Variants in PPIG observed in about 807,000 individuals in gnomAD.
PPIG encodes the protein peptidylprolyl isomerase G.
A neutral mutation model predicts 87.9 loss-of-function variants in PPIG; 26 were observed. The observed-to-expected ratio is 0.30, with a 90% confidence interval of 0.22 to 0.41. The LOEUF is 0.41. Among genes scored for constraint, PPIG ranks in the 10% least tolerant of loss-of-function variants. The pLI, the probability that PPIG is intolerant of heterozygous loss-of-function variation, is 1.00. For missense variants in PPIG, 722 were observed against 879.4 expected (o/e 0.82, Z 2.26); for synonymous variants, 308 against 276.5 (o/e 1.11, Z -1.13).
chr2:169,640,338 CTT>C lies in PPIG; in HGVS notation c.*2816_*2817del, dbSNP rs1686281717. 3 of 152,174 alleles carry C rather than the reference CTT, an allele frequency of 2.0e-5. No homozygotes were observed. The highest frequency in any genetic ancestry group is 7.2e-5 in the African/African-American group (3 of 41,436). The allele number at this position is 152,174 out of a possible 1,614,324, so 9.4% of individuals were successfully genotyped here. On this transcript the variant is annotated 3_prime_UTR_variant, in exon 14 of 14. Transcript: ENST00000260970. ...TATGGAGCTAAACAATTAAAGAACT[CTT>C]CATTATGGATAGGCACATATTGGAT...
chr2:169,594,586 A>G (rs1003228219), intron 1 of PPIG, among the ~76,000 whole-genome samples: 3 of 148,082 alleles, frequency 2.0e-5, no homozygotes, highest in Non-Finnish European at 4.5e-5. Flanking sequence ...TTCATGAACA[A>G]TCTGGTAATT....
chr2:169,606,216 A>C (rs776416988), intron 5 of PPIG, 70 bp downstream of exon 5: 43 of 1,117,756 alleles, frequency 3.8e-5, no homozygotes, highest in Non-Finnish European at 5.4e-5. Flanking sequence ...ACAAGTCCCT[A>C]GAAGTTTTAG....
At chr2:169,589,492 A>G (rs1197301699) in intron 1 of PPIG, among the ~76,000 whole-genome samples, 1 of 152,226 alleles carries the variant, frequency 6.6e-6, no homozygotes, top group Non-Finnish European at 1.5e-5. Context: ...CTTGAAAGTA[A>G]TATTAAAGAT....
At position 169,630,930 on chromosome 2, in the gene PPIG, G is replaced by A. The variant is rs748144124; in HGVS notation, c.704G>A (p.Arg235Gln). Reference sequence around the variant, plus strand: ...TCAAAGAAAAGAAAAAAGAAACATCGGAAAAATTCCCGAAAACACAAGAAA... The same window carrying A: ...TCAAAGAAAAGAAAAAAGAAACATCAGAAAAATTCCCGAAAACACAAGAAA... ...EKSKKRKKKH[R>Q]KNSRKHKKEK... The change falls in exon 10 of 14, where the codon CGG becomes CAG. Residue 235 changes from arginine (R) to glutamine (Q), a missense_variant. Physicochemically the swap from Arg to Gln is conservative, Grantham distance 43 (BLOSUM62 1). Coordinates refer to ENST00000260970, the MANE Select transcript of PPIG (RefSeq NM_004792.3). 32 of 1,599,084 alleles carry A rather than the reference G, an allele frequency of 2.0e-5. No individual in the cohort carries two copies. The highest frequency in any genetic ancestry group is 1.1e-4 in the East Asian group (5 of 44,632).
intron 1 of PPIG, among the ~76,000 whole-genome samples, chr2:169,602,241 A>T (rs1685205549): frequency 6.6e-6 from 1 of 152,030 alleles, no homozygotes; most frequent in African/African-American, 2.4e-5. Flanking sequence ...AATCTGAAAC[A>T]CTTCTGGTCC....
chr2:169,614,426 A>G (rs777543306), intron 7 of PPIG, 38 bp from the exon 8 acceptor site: 1 of 1,502,636 alleles, frequency 6.7e-7, no homozygotes, highest in Non-Finnish European at 9.1e-7. Flanking sequence ...TTTTTCTCTG[A>G]CTTTGTTTTT....
At chr2:169,629,472 G>A (rs1360553228) in intron 9 of PPIG, among the ~76,000 whole-genome samples, 1 of 152,142 alleles carries the variant, frequency 6.6e-6, no homozygotes, top group Non-Finnish European at 1.5e-5. Flanking sequence ...ATTGAAATTG[G>A]TCTTGTAAGT....
chr2:169,595,746 T>G (rs1297271979), intron 1 of PPIG, among the ~76,000 whole-genome samples: 1 of 152,218 alleles, frequency 6.6e-6, no homozygotes, highest in Non-Finnish European at 1.5e-5. Context: ...AGGATCTTAT[T>G]CTTTTTAATG....
intron 5 of PPIG, among the ~76,000 whole-genome samples, chr2:169,606,636 C>G (rs1685337291): frequency 7.1e-6 from 1 of 140,478 alleles, no homozygotes; most frequent in African/African-American, 2.6e-5. Context: ...AATAATTTTG[C>G]CTTTGACACA....
Position 169,604,259 on chromosome 2 carries a change from C to T in PPIG, c.134C>T (p.Thr45Ile), listed in dbSNP as rs144787613. ...KTCENFRCLC[T>I]GEKGTGKSTQ... Reference sequence around the variant, plus strand: ...TGCGAGAACTTTCGTTGTCTTTGTACAGGTTTGTTCACATTTTCAACTGCC... The same window carrying T: ...TGCGAGAACTTTCGTTGTCTTTGTATAGGTTTGTTCACATTTTCAACTGCC... Residue 45 changes from threonine to isoleucine, a missense_variant and splice_region_variant, in exon 4 of 14, where the codon ACA becomes ATA. Thr to Ile is a moderately conservative substitution (Grantham distance 89, BLOSUM62 -1). Around this residue, in one of 4 missense-constraint regions of PPIG, gnomAD observed 99 missense variants for 215.8 expected, o/e 0.46. Transcript: ENST00000260970. The T allele has an allele frequency of 6.3e-7, 1 of 1,590,808 alleles. No individual in the cohort carries two copies. The highest frequency in any genetic ancestry group is 1.4e-5 in the African/African-American group (1 of 72,958).
At chr2:169,613,387 C>CT (rs1335970726) in intron 7 of PPIG, among the ~76,000 whole-genome samples, 3 of 151,802 alleles carry the variant, frequency 2.0e-5, no homozygotes, top group East Asian at 1.9e-4. Context: ...AATTATGCTC[C>CT]TTTTTTCGAA....
At chr2:169,629,555 G>T (rs1446239301) in intron 9 of PPIG, among the ~76,000 whole-genome samples, 1 of 152,170 alleles carries the variant, frequency 6.6e-6, no homozygotes, top group Admixed American at 6.5e-5. Context: ...CTCAGAAAAG[G>T]TAGGTCATTT....
intron 9 of PPIG, among the ~76,000 whole-genome samples, chr2:169,617,045 G>A (rs551732285): frequency 4.6e-5 from 7 of 152,132 alleles, no homozygotes; most frequent in Non-Finnish European, 7.4e-5. Flanking sequence ...TGTATAAGGT[G>A]TAAGGAAGGG....
chr2:169,618,608 C>T (rs1685663499), intron 9 of PPIG, among the ~76,000 whole-genome samples: 1 of 152,148 alleles, frequency 6.6e-6, no homozygotes, highest in Admixed American at 6.5e-5. Context: ...AGGAATTTAT[C>T]CATTTCTTCT....
At position 169,595,977 on chromosome 2, in the gene PPIG, T is replaced by A. The variant is rs570034588; in HGVS notation, c.-69-7665T>A. 9.9e-5 allele frequency among the ~76,000 whole-genome samples: 15 copies of A among 151,946 alleles called. No individual in the cohort carries two copies. The East Asian group carries it at 2.9e-3, about 30-fold the overall frequency. On this transcript the variant is annotated intron_variant, in intron 1 of 13. Coordinates refer to ENST00000260970, the MANE Select transcript of PPIG (RefSeq NM_004792.3). ...GTGCCACTACGCCCGGCTAATTTTG[T>A]ATTTTTAGTAGAGATGGGGTTTCTC...
chr2:169,638,321 A>T lies in PPIG; in HGVS notation c.*798A>T, dbSNP rs1463665668. On this transcript the variant is annotated 3_prime_UTR_variant, in exon 14 of 14. Transcript: ENST00000260970. ...GAGTTTTGGGAACGTTTTAATTATT[A>T]ATTACCCTTCTCTAAACTTTAAAAA... is the stretch of plus-strand genomic sequence containing the variant. 1 of 149,618 alleles carries T rather than the reference A, an allele frequency of 6.7e-6. No homozygotes were observed. Among genetic ancestry groups the T allele is most frequent in the East Asian group, 1.9e-4 (1 of 5,130 alleles). 9.3% of individuals were successfully genotyped at this position (149,618 alleles called of 1,614,324 possible).
At chr2:169,598,815 T>TATATAAATACAGGTAAATATTTATATG (rs1325829692) in intron 1 of PPIG, among the ~76,000 whole-genome samples, 20 of 104,058 alleles carry the variant, frequency 1.9e-4, no homozygotes, top group Admixed American at 1.1e-3. Flanking sequence ...ATATTTATAT[T>TATATAAATACAGGTAAATATTTATATG]TATATAAATA....
At chr2:169,599,579 T>G (rs938749136) in intron 1 of PPIG, among the ~76,000 whole-genome samples, 3 of 152,256 alleles carry the variant, frequency 2.0e-5, no homozygotes, top group African/African-American at 7.2e-5. Flanking sequence ...TTCAAGATTC[T>G]TGGCCTGTAA....
chr2:169,614,621 A>G lies in PPIG; in HGVS notation c.444A>G (p.Gln148=), dbSNP rs1178091408. 8 of 1,611,846 alleles carry G rather than the reference A, an allele frequency of 5.0e-6. No individual in the cohort carries two copies. The highest frequency in any genetic ancestry group is 5.9e-6 in the Non-Finnish European group (7 of 1,179,458). The part of the protein sequence containing the change: ...HVVFGQVISG[Q]EVVREIENQK... ...TTTTTGGACAAGTAATCTCTGGTCA[A>G]GAAGTTGTAAGAGAGATTGAAAACC... is the stretch of plus-strand genomic sequence containing the variant. The change falls in exon 9 of 14, where the codon CAA becomes CAG. Residue 148 remains glutamine (Q), a synonymous_variant. Coordinates refer to ENST00000260970, the MANE Select transcript of PPIG (RefSeq NM_004792.3).
Sources: gnomAD v4.1 joint callset for allele counts (sites outside exome capture counted in the v4.1 genomes callset) on GRCh38, gnomAD v4.1.1 for gene constraint, gnomAD v4.1.1 regional missense constraint, MANE v1.5 for transcripts, NCBI Gene and HGNC (gene_info 2026-07-23, HGNC 2026-07-21) for gene names.